DOCK4: variants seen among roughly 807,000 people sequenced by gnomAD.
DOCK4 encodes dedicator of cytokinesis protein 4.
A neutral mutation model predicts 268.1 loss-of-function variants in DOCK4; 97 were observed. That is an observed-to-expected ratio of 0.36 (90% confidence interval 0.31 to 0.43). DOCK4 has a LOEUF of 0.43. Among genes scored for constraint, DOCK4 ranks in the 20% least tolerant of loss-of-function variants. The probability of loss-of-function intolerance (pLI) is 1.00; values close to 1 mark genes in which losing one functional copy is unlikely to be tolerated. For missense variants in DOCK4, 2,145 were observed against 2,455.7 expected, an observed-to-expected ratio of 0.87 and a Z score of 2.67; for synonymous variants, 954 against 887.2, an observed-to-expected ratio of 1.08 and a Z score of -1.34.
At chr7:111,927,165 G>A (rs1793784857) in intron 12 of DOCK4, among the ~76,000 whole-genome samples, 1 of 152,170 alleles carries the variant, frequency 6.6e-6, no homozygotes, top group Non-Finnish European at 1.5e-5. Context: ...GGGTAACTCT[G>A]TCCATTGGGA....
At chr7:111,733,473 T>A (rs941048109) in intron 51 of DOCK4, among the ~76,000 whole-genome samples, 2 of 152,146 alleles carry the variant, frequency 1.3e-5, no homozygotes, top group South Asian at 2.1e-4. Context: ...AGTTCTCCTA[T>A]CCTGTTGATC....
chr7:111,747,316 T>C lies in DOCK4; in HGVS notation c.4544A>G (p.Asn1515Ser), dbSNP rs1414565824. Residue 1515 changes from asparagine (N) to serine (S), a missense_variant, in exon 43 of 53, where the codon AAT becomes AGT. Physicochemically the swap from Asn to Ser is conservative, Grantham distance 46 (BLOSUM62 1). Coordinates refer to ENST00000428084, the MANE Select transcript of DOCK4 (RefSeq NM_001363540.2). Reference sequence around the variant, plus strand: ...ATTAACTGCAGCATCTATAACTCCATTCAGGCACATAGTCAGGGGATTAAT... The same window carrying C: ...ATTAACTGCAGCATCTATAACTCCACTCAGGCACATAGTCAGGGGATTAAT... Reference protein sequence around the residue: ...QNINPLTMCLNGVIDAAVNGG... With the variant: ...QNINPLTMCLSGVIDAAVNGG... 1 of 1,613,644 alleles carries C rather than the reference T, an allele frequency of 6.2e-7. No individual in the cohort carries two copies. The highest frequency in any genetic ancestry group is 8.5e-7 in the Non-Finnish European group (1 of 1,179,816).
rs549001313 is a variant in DOCK4, at chr7:111,954,577, G to C, written c.702-8779C>G. Among the ~76,000 whole-genome samples the C allele has an allele frequency of 8.5e-5, 13 of 152,274 alleles. No individual in the cohort carries two copies. The East Asian group carries it at 1.7e-3, about 20-fold the overall frequency. ...CCCAAGGCGCAAGACCCAGCAGCGT[G>C]CGTCAGCAAGATAGCAGAAGCAGGA... On this transcript the variant is annotated intron_variant, in intron 8 of 52. Coordinates refer to ENST00000428084, the MANE Select transcript of DOCK4 (RefSeq NM_001363540.2).
intron 12 of DOCK4, among the ~76,000 whole-genome samples, chr7:111,923,163 T>C (rs1793299894): frequency 6.6e-6 from 1 of 152,200 alleles, no homozygotes; most frequent in Non-Finnish European, 1.5e-5. Context: ...GTATTAGGTA[T>C]TATACATAAG....
At chr7:111,798,883 A>G (rs1329100885) in intron 30 of DOCK4, among the ~76,000 whole-genome samples, 2 of 152,244 alleles carry the variant, frequency 1.3e-5, no homozygotes, top group Non-Finnish European at 2.9e-5. Context: ...TTCTCTTACC[A>G]CTAATGACTC....
chr7:112,010,326 C>T (rs989540644), intron 1 of DOCK4, among the ~76,000 whole-genome samples: 6 of 152,166 alleles, frequency 3.9e-5, no homozygotes, highest in African/African-American at 1.4e-4. Flanking sequence ...AGACAGAAGT[C>T]ATTTGGAGAT....
At chr7:112,123,882 G>C (rs888165248) in intron 1 of DOCK4, among the ~76,000 whole-genome samples, 1 of 152,114 alleles carries the variant, frequency 6.6e-6, no homozygotes, top group African/African-American at 2.4e-5. Flanking sequence ...CCAGATAAAA[G>C]GGATCTAACT....
At chr7:111,924,893 AT>A (rs1208773124) in intron 12 of DOCK4, among the ~76,000 whole-genome samples, 1 of 152,184 alleles carries the variant, frequency 6.6e-6, no homozygotes, top group Non-Finnish European at 1.5e-5. Flanking sequence ...TCAAAACACT[AT>A]TTCTTGACAG....
chr7:112,004,073 T>A lies in DOCK4; in HGVS notation c.96A>T (p.Thr32=). 1 of 1,604,584 alleles carries A rather than the reference T, an allele frequency of 6.2e-7. No homozygotes were observed. The highest frequency in any genetic ancestry group is 8.5e-7 in the Non-Finnish European group (1 of 1,175,348). The stretch of plus-strand genomic sequence containing the variant: ...CATCACACTTCTCCAGGATCTGAAC[T>A]GTATCTCCAATTTCCAATGACAGGC... ...PYGLSLEIGD[T]VQILEKCDGW... Residue 32 remains threonine, a synonymous_variant, in exon 2 of 53, where the codon ACA becomes ACT. Transcript: ENST00000428084.
intron 1 of DOCK4, among the ~76,000 whole-genome samples, chr7:112,147,652 C>A (rs1815637403): frequency 6.6e-6 from 1 of 152,010 alleles, no homozygotes; most frequent in African/African-American, 2.4e-5. Flanking sequence ...GAAGACCTGG[C>A]CACAACCATC....
At chr7:111,753,640 G>C (rs1354826697) in intron 42 of DOCK4, among the ~76,000 whole-genome samples, 1 of 152,208 alleles carries the variant, frequency 6.6e-6, no homozygotes, top group Admixed American at 6.5e-5. Context: ...TTCAGATGCT[G>C]ACATCTGCAG....
chr7:112,067,179 C>G (rs893617473), intron 1 of DOCK4, among the ~76,000 whole-genome samples: 2 of 149,546 alleles, frequency 1.3e-5, no homozygotes, highest in Non-Finnish European at 3.0e-5. Context: ...TCAAAAAACA[C>G]CCAAAAAAGT....
chr7:112,082,847 C>T (rs1450733800), intron 1 of DOCK4, among the ~76,000 whole-genome samples: 1 of 152,056 alleles, frequency 6.6e-6, no homozygotes, highest in Non-Finnish European at 1.5e-5. Flanking sequence ...ATTTTTTAAA[C>T]TTGGTAAAAT....
intron 30 of DOCK4, among the ~76,000 whole-genome samples, chr7:111,805,731 G>C (rs1371824167): frequency 6.6e-6 from 1 of 152,100 alleles, no homozygotes; most frequent in Non-Finnish European, 1.5e-5. Context: ...ACACTTCAGA[G>C]GTAAACATCA....
At chr7:111,977,017 A>G (rs892075297) in intron 8 of DOCK4, 115 bp downstream of exon 8, 57 of 1,259,880 alleles carry the variant, frequency 4.5e-5, no homozygotes, top group Non-Finnish European at 8.6e-6. Flanking sequence ...CTGGTGAGAA[A>G]ATTGAAGCTG....
chr7:112,150,922 T>C (rs563613016), intron 1 of DOCK4, among the ~76,000 whole-genome samples: 1 of 152,302 alleles, frequency 6.6e-6, no homozygotes, highest in South Asian at 2.1e-4. Flanking sequence ...CTGGGGATGC[T>C]AAAAGGCTTG....
At chr7:111,779,696 G>C (rs1032288595) in intron 35 of DOCK4, among the ~76,000 whole-genome samples, 3 of 152,070 alleles carry the variant, frequency 2.0e-5, no homozygotes, top group Non-Finnish European at 2.9e-5. Flanking sequence ...CACTGATCCT[G>C]GCCCAGGCTG....
chr7:112,045,244 T>G (rs919441126), intron 1 of DOCK4, among the ~76,000 whole-genome samples: 2 of 152,174 alleles, frequency 1.3e-5, no homozygotes, highest in Admixed American at 6.6e-5. Flanking sequence ...CCCCAGATAT[T>G]TGAGTGACTT....
In DOCK4 at chr7:111,902,113, G is replaced by A. The variant is rs144776843; in HGVS notation, c.1193-312C>T. On this transcript the variant is annotated intron_variant, in intron 13 of 52. Transcript: ENST00000428084. ...ATTTCCCTCATTTTATTTATGAGGT[G>A]TGATTATAAAATGACAGCCTAGCAG... is the stretch of plus-strand genomic sequence containing the variant. Among the ~76,000 whole-genome samples, 936 of 152,252 alleles carry A rather than the reference G, an allele frequency of 6.1e-3. 17 individuals are homozygous for A. Among genetic ancestry groups the A allele is most frequent in the South Asian group, 0.023 (109 of 4,826 alleles).
Sources: gnomAD v4.1 joint callset for allele counts (sites outside exome capture counted in the v4.1 genomes callset) on GRCh38, gnomAD v4.1.1 for gene constraint, MANE v1.5 for transcripts, NCBI Gene and HGNC (gene_info 2026-07-23, HGNC 2026-07-21) for gene names.